The following EFCAB5 variants were observed in gnomAD, a reference collection of about 807,000 sequenced individuals.
EFCAB5 encodes EF-hand calcium-binding domain-containing protein 5.
EFCAB5 carries 131 observed loss-of-function variants against 167.9 expected under a neutral mutation model. The observed-to-expected ratio is 0.78, with a 90% confidence interval of 0.68 to 0.90. The LOEUF is 0.90. EFCAB5 is among the 40% of genes least tolerant of loss of function. The pLI is 0.00. For missense variants in EFCAB5, 1,663 were observed against 1,745.2 expected (o/e 0.95, Z 0.84); for synonymous variants, 574 against 602.8 (o/e 0.95, Z 0.70).
chr17:30,100,964 G>A (rs2071374827), intron 22 of EFCAB5, among the ~76,000 whole-genome samples: 1 of 152,238 alleles, frequency 6.6e-6, no homozygotes, highest in African/African-American at 2.4e-5. Context: ...GCAACAAGGA[G>A]GCCACTGTGT....
At chr17:30,081,447 G>A (rs922171424) in intron 17 of EFCAB5, among the ~76,000 whole-genome samples, 1 of 152,134 alleles carries the variant, frequency 6.6e-6, no homozygotes, top group Non-Finnish European at 1.5e-5. Flanking sequence ...AAAGAAAAAG[G>A]CCTAAATGTT....
At chr17:30,100,549 C>T (rs1443479588) in intron 22 of EFCAB5, among the ~76,000 whole-genome samples, 2 of 152,120 alleles carry the variant, frequency 1.3e-5, no homozygotes, top group African/African-American at 2.4e-5. Context: ...GGGTGGATCA[C>T]CTGAGGTCAG....
At position 30,054,137 on chromosome 17, in the gene EFCAB5, A is replaced by C; in HGVS notation, c.2183A>C (p.Asp728Ala). The C allele has an allele frequency of 6.5e-7, 1 of 1,548,538 alleles. No individual in the cohort carries two copies. Among genetic ancestry groups the C allele is most frequent in the Non-Finnish European group, 8.7e-7 (1 of 1,149,088 alleles). The change falls in exon 10 of 23, where the codon GAT (aspartate) becomes GCT (alanine). Residue 728 changes from aspartate to alanine, a missense_variant. By Grantham distance (126) the Asp-to-Ala change is moderately radical. Transcript: ENST00000394835. ...GAAGTTCCAACCTTAAGCAGAAAAGATCACTTTCCAGGTAGTAATGCAGTT... is the reference window on the plus strand; with the variant it reads ...GAAGTTCCAACCTTAAGCAGAAAAGCTCACTTTCCAGGTAGTAATGCAGTT... Reference protein sequence around the residue: ...QEEVPTLSRKDHFPETTKKEV... With the variant: ...QEEVPTLSRKAHFPETTKKEV...
chr17:29,969,436 A>G (rs944132137), intron 4 of EFCAB5, 69 bp downstream of exon 4: 20 of 1,313,920 alleles, frequency 1.5e-5, no homozygotes, highest in Non-Finnish European at 2.0e-5. Flanking sequence ...AAAAAATAAC[A>G]TAATCATGGA....
At chr17:30,038,610 A>G (rs1210926957) in intron 8 of EFCAB5, among the ~76,000 whole-genome samples, 1 of 152,372 alleles carries the variant, frequency 6.6e-6, no homozygotes, top group East Asian at 1.9e-4. Context: ...AATACATTTC[A>G]TAAGGCTATA....
intron 16 of EFCAB5, 48 bp downstream of exon 16, chr17:30,080,289 T>C: frequency 6.8e-7 from 1 of 1,480,330 alleles, no homozygotes; most frequent in Non-Finnish European, 8.9e-7. Context: ...AAAAAATAAT[T>C]CCCTTTCTGA....
chr17:30,029,161 A>T (rs899508843), intron 7 of EFCAB5, among the ~76,000 whole-genome samples: 1 of 152,188 alleles, frequency 6.6e-6, no homozygotes, highest in African/African-American at 2.4e-5. Flanking sequence ...AGAAGAGTTA[A>T]AAGTATGTTA....
At chr17:30,054,946 G>C (rs1446703998) in intron 10 of EFCAB5, among the ~76,000 whole-genome samples, 1 of 152,148 alleles carries the variant, frequency 6.6e-6, no homozygotes, top group Non-Finnish European at 1.5e-5. Flanking sequence ...TAGTAATGGT[G>C]CTGGCAATTT....
intron 4 of EFCAB5, among the ~76,000 whole-genome samples, chr17:29,981,152 C>T (rs1315105454): frequency 1.3e-5 from 2 of 152,034 alleles, no homozygotes; most frequent in African/African-American, 2.4e-5. Flanking sequence ...CTAATATTAC[C>T]ATGTTGTTCC....
At chr17:30,038,095 A>G (rs1476455055) in intron 8 of EFCAB5, among the ~76,000 whole-genome samples, 1 of 152,196 alleles carries the variant, frequency 6.6e-6, no homozygotes, top group African/African-American at 2.4e-5. Context: ...ATGCAAGGAA[A>G]AGTTCTTGAA....
intron 8 of EFCAB5, among the ~76,000 whole-genome samples, chr17:30,044,107 A>T (rs2151758987): frequency 6.6e-6 from 1 of 152,308 alleles, no homozygotes. Context: ...TTAAAAAAAT[A>T]ATGGGCATGC....
intron 3 of EFCAB5, among the ~76,000 whole-genome samples, chr17:29,965,042 C>CATGT (rs1331044906): frequency 1.3e-5 from 2 of 151,810 alleles, no homozygotes; most frequent in Non-Finnish European, 2.9e-5. Context: ...GTTCGGACTA[C>CATGT]AGGCGCCTGC....
At position 30,092,166 on chromosome 17, in the gene EFCAB5, T is replaced by G. The variant is rs765704021; in HGVS notation, c.4224+9T>G. On this transcript the variant is annotated intron_variant, in intron 21 of 22. Coordinates refer to ENST00000394835, the MANE Select transcript of EFCAB5 (RefSeq NM_198529.4). ...GGGATAAGTGTAAATTTGTAAGTTT[T>G]TTTTTAAAAAGCACCTTTTAAATTG... 1 of 1,596,930 alleles carries G rather than the reference T, an allele frequency of 6.3e-7. No individual in the cohort carries two copies. Among genetic ancestry groups the G allele is most frequent in the Non-Finnish European group, 8.5e-7 (1 of 1,172,408 alleles).
Position 29,968,946 on chromosome 17 carries a change from A to G in EFCAB5, c.346A>G (p.Lys116Glu). 1 of 1,588,064 alleles carries G rather than the reference A, an allele frequency of 6.3e-7. No homozygotes were observed. The highest frequency in any genetic ancestry group is 8.6e-7 in the Non-Finnish European group (1 of 1,166,800). ...ATCAAAGCCAGAGCACACATGGAAG[A>G]AAAACCTTTTTGAAAGAATGGAGGC... is the stretch of plus-strand genomic sequence containing the variant. ...LKSKPEHTWK[K>E]NLFERMEARA... is the part of the protein sequence containing the mutation. The change falls in exon 4 of 23, where the codon AAA (lysine) becomes GAA (glutamate). Residue 116 changes from lysine to glutamate, a missense_variant. By Grantham distance (56) the Lys-to-Glu change is moderately conservative. Coordinates refer to ENST00000394835, the MANE Select transcript of EFCAB5 (RefSeq NM_198529.4).
At chr17:30,012,824 G>A (rs958290200) in intron 7 of EFCAB5, among the ~76,000 whole-genome samples, 1 of 152,170 alleles carries the variant, frequency 6.6e-6, no homozygotes, top group African/African-American at 2.4e-5. Context: ...GCCCTGGCCA[G>A]AACTTCCAAC....
chr17:30,087,102 C>A lies in EFCAB5; in HGVS notation c.3619C>A (p.Gln1207Lys). The A allele has an allele frequency of 6.2e-7, 1 of 1,613,482 alleles. No individual in the cohort carries two copies. Among genetic ancestry groups the A allele is most frequent in the Non-Finnish European group, 8.5e-7 (1 of 1,179,636 alleles). ...TTTACGCAACATGATGGTTACAGGG[C>A]AGCTGGGTCTAACAGAAATCCACAA... ...YVLRNMMVTG[Q>K]LGLTEIHKNP... The change falls in exon 19 of 23, where the codon CAG (glutamine) becomes AAG (lysine). Residue 1207 changes from glutamine to lysine, a missense_variant. Coordinates refer to ENST00000394835, the MANE Select transcript of EFCAB5 (RefSeq NM_198529.4).
rs772525019 is a variant in EFCAB5 at position 30,087,072 on chromosome 17, T to A, written c.3589T>A (p.Tyr1197Asn). 3 of 1,613,472 alleles carry A rather than the reference T, an allele frequency of 1.9e-6. No homozygotes were observed. Among genetic ancestry groups the A allele is most frequent in the Admixed American group, 3.3e-5 (2 of 60,010 alleles). ...VEPSPAQDSD[Y>N]VLRNMMVTGQ... is the part of the protein sequence containing the mutation. Reference sequence around the variant, plus strand: ...CCTTCCTCTTTTCAAGGATTCAGACTATGTTTTACGCAACATGATGGTTAC... The same window carrying A: ...CCTTCCTCTTTTCAAGGATTCAGACAATGTTTTACGCAACATGATGGTTAC... Residue 1197 changes from tyrosine (Y) to asparagine (N), a missense_variant, in exon 19 of 23, where the codon TAT becomes AAT. By Grantham distance (143) the Tyr-to-Asn change is moderately radical (BLOSUM62 -2). Coordinates refer to ENST00000394835, the MANE Select transcript of EFCAB5 (RefSeq NM_198529.4).
intron 22 of EFCAB5, among the ~76,000 whole-genome samples, chr17:30,097,056 ATATATTT>A (rs200374766): frequency 0.021 from 2,088 of 100,578 alleles, 97 homozygotes; most frequent in African/African-American, 0.093. Context: ...ATACATATAT[ATATATTT>A]TTTTTTTTTT....
chr17:30,055,058 G>A (rs2151785193), intron 10 of EFCAB5, among the ~76,000 whole-genome samples: 1 of 152,268 alleles, frequency 6.6e-6, no homozygotes, highest in African/African-American at 2.4e-5. Flanking sequence ...AGCACTTTGA[G>A]AGGCTGAGAC....
Sources: allele counts gnomAD v4.1 joint callset (sites outside exome capture counted in the v4.1 genomes callset), GRCh38; gene constraint gnomAD v4.1.1; transcripts MANE v1.5; gene names NCBI Gene and HGNC (gene_info 2026-07-23, HGNC 2026-07-21).